Variants in EPS15 observed in about 807,000 individuals in gnomAD.
The protein encoded by EPS15 is epidermal growth factor receptor pathway substrate 15.
Under a neutral mutation model 113.8 loss-of-function variants are expected in EPS15, and 72 were observed. The observed-to-expected ratio is 0.63, with a 90% confidence interval of 0.52 to 0.77. The LOEUF (loss-of-function observed/expected upper bound fraction) is 0.77. Among genes scored for constraint, EPS15 ranks in the 30% least tolerant of loss-of-function variants. The pLI, the probability that EPS15 is intolerant of heterozygous loss-of-function variation, is 0.00. For synonymous variants in EPS15, 344 were observed against 363.4 expected, an observed-to-expected ratio of 0.95 and a Z score of 0.61; for missense variants, 1,048 against 1,045.8, an observed-to-expected ratio of 1.00 and a Z score of -0.03.
chr1:51,495,585 C>T (rs1242157275), intron 1 of EPS15, among the ~76,000 whole-genome samples: 1 of 151,840 alleles, frequency 6.6e-6, no homozygotes, highest in Non-Finnish European at 1.5e-5. Context: ...ACACCATTTC[C>T]TAAATAAATC....
intron 21 of EPS15, among the ~76,000 whole-genome samples, chr1:51,391,347 G>A (rs1647339511): frequency 6.6e-6 from 1 of 151,982 alleles, no homozygotes; most frequent in African/African-American, 2.4e-5. Context: ...ATAGCATTAG[G>A]AGATATACCT....
intron 24 of EPS15, among the ~76,000 whole-genome samples, chr1:51,359,177 G>A (rs1000464439): frequency 1.3e-5 from 2 of 152,020 alleles, no homozygotes; most frequent in Non-Finnish European, 2.9e-5. Context: ...TGGATGCGGT[G>A]GCTCACCCCT....
chr1:51,499,244 A>G (rs1644374537), intron 1 of EPS15, among the ~76,000 whole-genome samples: 1 of 152,170 alleles, frequency 6.6e-6, no homozygotes, highest in South Asian at 2.1e-4. Flanking sequence ...AACAAACATA[A>G]TATTTGTCCC....
chr1:51,361,220 G>A lies in EPS15; in HGVS notation c.2495C>T (p.Thr832Ile). The change falls in exon 24 of 25, where the codon ACC (threonine) becomes ATC (isoleucine). Residue 832 changes from threonine to isoleucine, a missense_variant. Thr to Ile is a moderately conservative substitution (Grantham distance 89). Transcript: ENST00000371733. ...TGGATCAGCCTCTTTATTGGTAGTG[G>A]TAGTAGCAGAAGTGAATGGATCACA... ...IFCDPFTSAT[T>I]TTNKEADPSN... 1 of 1,614,040 alleles carries A rather than the reference G, an allele frequency of 6.2e-7. No homozygotes were observed. Among genetic ancestry groups the A allele is most frequent in the Non-Finnish European group, 8.5e-7 (1 of 1,179,904 alleles).
chr1:51,393,653 T>A (rs920119050), intron 21 of EPS15, among the ~76,000 whole-genome samples: 1 of 152,228 alleles, frequency 6.6e-6, no homozygotes, highest in Non-Finnish European at 1.5e-5. Flanking sequence ...ATTTACACAT[T>A]TGAGTTTACT....
intron 1 of EPS15, among the ~76,000 whole-genome samples, chr1:51,516,085 A>C (rs1437948336): frequency 6.6e-6 from 1 of 152,038 alleles, no homozygotes; most frequent in Non-Finnish European, 1.5e-5. Context: ...CTCAGGTTTT[A>C]CTTCTCATTG....
intron 2 of EPS15, among the ~76,000 whole-genome samples, chr1:51,478,951 C>T (rs1211167730): frequency 6.6e-6 from 1 of 152,074 alleles, no homozygotes; most frequent in Non-Finnish European, 1.5e-5. Context: ...TTGCTCTTCT[C>T]GAGGAGTATC....
chr1:51,471,531 C>T (rs537004163), intron 4 of EPS15, among the ~76,000 whole-genome samples, 159 bp downstream of exon 4: 2 of 152,300 alleles, frequency 1.3e-5, no homozygotes, highest in South Asian at 4.1e-4. Context: ...CTTATATTAA[C>T]ATCTAGTGAT....
chr1:51,403,682 G>C, intron 16 of EPS15, 150 bp from the exon 17 acceptor site: 2 of 509,694 alleles, frequency 3.9e-6, no homozygotes, highest in Non-Finnish European at 6.9e-6. Flanking sequence ...TCTTTTTTAG[G>C]GAAATGGTGT....
At chr1:51,374,253 A>C (rs1439561475) in intron 21 of EPS15, among the ~76,000 whole-genome samples, 1 of 152,190 alleles carries the variant, frequency 6.6e-6, no homozygotes, top group African/African-American at 2.4e-5. Flanking sequence ...ATTCCACACA[A>C]AAAAATTTCT....
At position 51,422,500 on chromosome 1, in the gene EPS15, C is replaced by A. The variant is rs960775430; in HGVS notation, c.1041-642G>T. 3.3e-5 allele frequency among the ~76,000 whole-genome samples: 5 copies of A among 152,256 alleles called. No individual in the cohort carries two copies. In the East Asian group the frequency reaches 7.7e-4, roughly 23 times the overall value. ...CAGTATATATAAAGTAAAAAAAGAACCACAGCAGCATTTATCTCTTCTGCT... is the reference window on the plus strand; with the variant it reads ...CAGTATATATAAAGTAAAAAAAGAAACACAGCAGCATTTATCTCTTCTGCT... On this transcript the variant is annotated intron_variant, in intron 12 of 24. Coordinates refer to ENST00000371733, the MANE Select transcript of EPS15 (RefSeq NM_001981.3).
Position 51,399,161 on chromosome 1 carries a change from T to G in EPS15, c.1923A>C (p.Pro641=). 6.2e-7 allele frequency: 1 copy of G among 1,610,842 alleles called. No homozygotes were observed. Among genetic ancestry groups the G allele is most frequent in the Non-Finnish European group, 8.5e-7 (1 of 1,179,150 alleles). ...FKDDPFGKID[P]FGGDPFKGSD... ...AACCTTTGAAAGGATCACCACCAAA[T>G]GGATCTAAAAAAATAAGGCACGAAT... Residue 641 remains proline (P), a synonymous_variant, in exon 20 of 25, where the codon CCA becomes CCC. Coordinates refer to ENST00000371733, the MANE Select transcript of EPS15 (RefSeq NM_001981.3).
intron 15 of EPS15, 138 bp from the exon 16 acceptor site, chr1:51,406,246 C>A (rs994792315): frequency 8.7e-6 from 6 of 687,076 alleles, no homozygotes; most frequent in Non-Finnish European, 1.5e-5. Flanking sequence ...GAAACTGAGG[C>A]AGGAGGACTG....
intron 7 of EPS15, among the ~76,000 whole-genome samples, chr1:51,461,417 A>C (rs1654435158): frequency 6.6e-6 from 1 of 150,632 alleles, no homozygotes; most frequent in Non-Finnish European, 1.5e-5. Context: ...GCTACTCAGG[A>C]GGCTGAGGTA....
At chr1:51,476,916 T>C (rs929082868) in intron 2 of EPS15, among the ~76,000 whole-genome samples, 1 of 152,172 alleles carries the variant, frequency 6.6e-6, no homozygotes, top group Non-Finnish European at 1.5e-5. Flanking sequence ...TAAAATTCTC[T>C]TTTTTTGTTG....
intron 10 of EPS15, 45 bp downstream of exon 10, chr1:51,446,915 A>G: frequency 2.0e-6 from 3 of 1,491,278 alleles, no homozygotes; most frequent in African/African-American, 1.4e-5. Context: ...ACTGGAATTG[A>G]TACAAAACCA....
intron 1 of EPS15, among the ~76,000 whole-genome samples, chr1:51,508,344 GAAAGAA>G (rs1161308811): frequency 1.5e-5 from 2 of 129,548 alleles, no homozygotes; most frequent in African/African-American, 6.0e-5. Context: ...AAGAGAGAAA[GAAAGAA>G]AGAAAGAAAG....
chr1:51,399,805 T>A (rs1648343928), intron 19 of EPS15, among the ~76,000 whole-genome samples: 1 of 151,874 alleles, frequency 6.6e-6, no homozygotes, highest in African/African-American at 2.4e-5. Context: ...GAGGTTGCAG[T>A]GAGTCAAGAC....
intron 11 of EPS15, among the ~76,000 whole-genome samples, chr1:51,443,629 C>T (rs1011167813): frequency 5.8e-5 from 5 of 86,046 alleles, no homozygotes; most frequent in African/African-American, 1.8e-4. Flanking sequence ...CCAAAAAAAT[C>T]CAATTTTCTT....
Sources: allele counts gnomAD v4.1 joint callset (sites outside exome capture counted in the v4.1 genomes callset), GRCh38; gene constraint gnomAD v4.1.1; transcripts MANE v1.5; gene names NCBI Gene and HGNC (gene_info 2026-07-23, HGNC 2026-07-21).